The following SLFN13 variants were observed in gnomAD, a reference collection of about 807,000 sequenced individuals.
SLFN13 encodes the protein schlafen family member 13.
In SLFN13, 43 loss-of-function variants were observed where a neutral mutation model predicts 50.6. The observed-to-expected ratio is 0.85, with a 90% CI of 0.67 to 1.09. SLFN13 has a LOEUF of 1.09. SLFN13 is among the 50% of genes least tolerant of loss of function. The pLI, the probability that SLFN13 is intolerant of heterozygous loss-of-function variation, is 0.00. For missense variants in SLFN13, 881 were observed against 1,071.1 expected (o/e 0.82, Z 2.48); for synonymous variants, 339 against 386.5 (o/e 0.88, Z 1.44).
Position 35,445,294 on chromosome 17 carries a change from G to C in SLFN13, c.387C>G (p.Ser129Arg). The change falls in exon 3 of 6, where the codon AGC (serine) becomes AGG (arginine). Residue 129 changes from serine (S) to arginine (R), a missense_variant. Ser to Arg is a moderately radical substitution (Grantham distance 110). Coordinates refer to ENST00000285013, the MANE Select transcript of SLFN13 (RefSeq NM_144682.6). ...KDGSFNSRIC[S>R]LSSSLYCRSG... ...ATCTACAGTATAATGAAGAACTAAGGCTGCAAATGCGGGAATTGAAAGAAC... is the reference window on the plus strand; with the variant it reads ...ATCTACAGTATAATGAAGAACTAAGCCTGCAAATGCGGGAATTGAAAGAAC... The C allele has an allele frequency of 6.2e-7, 1 of 1,613,820 alleles. No homozygotes were observed.
intron 5 of SLFN13, 65 bp from the exon 6 acceptor site, chr17:35,441,431 T>C: frequency 6.4e-7 from 1 of 1,572,984 alleles, no homozygotes; most frequent in South Asian, 1.2e-5. Context: ...AATGATTGTA[T>C]CATGTTCCTC....
Position 35,445,126 on chromosome 17 carries a change from C to T in SLFN13, c.555G>A (p.Glu185=). 6.2e-7 allele frequency: 1 copy of T among 1,613,388 alleles called. No homozygotes were observed. The highest frequency in any genetic ancestry group is 1.6e-4 in the Middle Eastern group (1 of 6,062). The change falls in exon 3 of 6, where the codon GAG becomes GAA. Residue 185 remains glutamate, a synonymous_variant. Transcript: ENST00000285013. ...GGAAAACTTCATATGCAGGATTTGA[C>T]TCAGATATGTTCTGGTATACAGCTT... ...IMKAVYQNIS[E]SNPAYEVFQT...
chr17:35,440,781 C>T lies in SLFN13; in HGVS notation c.2508G>A (p.Val836=), dbSNP rs752272108. 2 of 1,614,122 alleles carry T rather than the reference C, an allele frequency of 1.2e-6. No individual in the cohort carries two copies. Among genetic ancestry groups the T allele is most frequent in the Admixed American group, 1.7e-5 (1 of 60,030 alleles). ...ACATATCACATGCATCACTGAGCTG[C>T]ACCACCATTTTCTTCCTCATTGCTT... is the stretch of plus-strand genomic sequence containing the variant. ...LLKAMRKKMV[V]QLSDACDMLG... Residue 836 remains valine, a synonymous_variant, in exon 6 of 6, where the codon GTG becomes GTA. Transcript: ENST00000285013.
chr17:35,441,555 C>G lies in SLFN13; in HGVS notation c.1922+8G>C, dbSNP rs772645348. On this transcript the variant is annotated splice_region_variant and intron_variant, in intron 5 of 5. Coordinates refer to ENST00000285013, the MANE Select transcript of SLFN13 (RefSeq NM_144682.6). Reference sequence around the variant, plus strand: ...TAAAACTTAAAGACGTAAGATCCAACTGCTTACCTGATAAAGTTCCTCAGA... The same window carrying G: ...TAAAACTTAAAGACGTAAGATCCAAGTGCTTACCTGATAAAGTTCCTCAGA... 6 of 1,610,294 alleles carry G rather than the reference C, an allele frequency of 3.7e-6. No individual in the cohort carries two copies. The African/African-American group carries it at 6.8e-5, about 18-fold the overall frequency.
At chr17:35,445,806 T>G in intron 2 of SLFN13, 113 bp from the exon 3 acceptor site, 1 of 901,744 alleles carries the variant, frequency 1.1e-6, no homozygotes, top group Non-Finnish European at 1.6e-6. Context: ...GATAAGACAA[T>G]AGCAAGAAAG....
Position 35,444,856 on chromosome 17 carries a change from T to C in SLFN13, c.825A>G (p.Arg275=), listed in dbSNP as rs1169648943. The C allele has an allele frequency of 6.2e-7, 1 of 1,614,114 alleles. No homozygotes were observed. Among genetic ancestry groups the C allele is most frequent in the African/African-American group, 1.3e-5 (1 of 74,944 alleles). ...DPDSLKNVIA[R]AISKLPIVHF... is the part of the protein sequence containing the mutation. ...GAACAATGGGCAACTTAGAAATTGCTCTTGCAATTACATTTTTCAAAGAGT... is the reference window on the plus strand; with the variant it reads ...GAACAATGGGCAACTTAGAAATTGCCCTTGCAATTACATTTTTCAAAGAGT... Residue 275 remains arginine (R), a synonymous_variant, in exon 3 of 6, where the codon AGA becomes AGG. Transcript: ENST00000285013.
chr17:35,437,909 T>C lies in SLFN13; in HGVS notation c.*2686A>G, dbSNP rs1912686247. ...GATCTTTAATGAAGCAGGTCCTATA[T>C]GACTAGAGCCAAATTACAGAGATAG... On this transcript the variant is annotated 3_prime_UTR_variant, in exon 6 of 6. Coordinates refer to ENST00000285013, the MANE Select transcript of SLFN13 (RefSeq NM_144682.6). The C allele has an allele frequency of 6.6e-6, 1 of 152,142 alleles. No homozygotes were observed. 9.4% of individuals were successfully genotyped at this position (152,142 alleles called of 1,614,324 possible). A position where few individuals can be genotyped will look rare whatever the true frequency, so the allele number is the denominator to read the frequency against.
In SLFN13 at chr17:35,444,839, G is replaced by A. The variant is rs1247054248; in HGVS notation, c.842C>T (p.Pro281Leu). ...NVIARAISKLPIVHFCSSKPR... is the reference protein window; with the variant it reads ...NVIARAISKLLIVHFCSSKPR... ...TTTTGAAGAGCAAAAATGAACAATG[G>A]GCAACTTAGAAATTGCTCTTGCAAT... Residue 281 changes from proline (P) to leucine (L), a missense_variant, in exon 3 of 6, where the codon CCC (proline) becomes CTC (leucine). Around this residue, in one of 5 missense-constraint regions of SLFN13, gnomAD observed 497 missense variants for 518.3 expected, o/e 0.96. Coordinates refer to ENST00000285013, the MANE Select transcript of SLFN13 (RefSeq NM_144682.6). The A allele has an allele frequency of 1.2e-6, 2 of 1,614,150 alleles. No individual in the cohort carries two copies. Among genetic ancestry groups the A allele is most frequent in the South Asian group, 2.2e-5 (2 of 91,074 alleles).
chr17:35,443,955 A>G, intron 3 of SLFN13, 35 bp from the exon 4 acceptor site: 1 of 1,599,578 alleles, frequency 6.3e-7, no homozygotes, highest in Middle Eastern at 1.7e-4. Flanking sequence ...ACACTATATG[A>G]TTTCATGTCT....
Position 35,445,652 on chromosome 17 carries a change from A to C in SLFN13, c.29T>G (p.Val10Gly), listed in dbSNP as rs765653407. Residue 10 changes from valine to glycine, a missense_variant, in exon 3 of 6, where the codon GTG becomes GGG. Val to Gly is a moderately radical substitution (Grantham distance 109). Transcript: ENST00000285013. MEANHCSLG[V>G]YPSYPDLVID... ...GACCAGGTCTGGGTAAGATGGATAC[A>C]CACCCAGGGAGCAGTGATTTGCCTC... The C allele has an allele frequency of 1.2e-6, 2 of 1,611,744 alleles. No homozygotes were observed. The highest frequency in any genetic ancestry group is 4.5e-5 in the East Asian group (2 of 44,822).
intron 2 of SLFN13, 126 bp from the exon 3 acceptor site, chr17:35,445,819 A>G: frequency 1.2e-6 from 1 of 806,014 alleles, no homozygotes; most frequent in Non-Finnish European, 1.9e-6. Context: ...CAAGAAAGAC[A>G]GGTATAGTCT....
Position 35,441,707 on chromosome 17 carries a change from C to G in SLFN13, c.1778G>C (p.Arg593Thr). 6.3e-7 allele frequency: 1 copy of G among 1,595,212 alleles called. No individual in the cohort carries two copies. Among genetic ancestry groups the G allele is most frequent in the African/African-American group, 1.4e-5 (1 of 71,922 alleles). Residue 593 changes from arginine to threonine, a missense_variant, in exon 5 of 6, where the codon AGA becomes ACA. This residue lies in a region of SLFN13 where 25 missense variants were observed against 64.4 expected (regional missense o/e 0.39). Transcript: ENST00000285013. ...AGGTAAGCCGTGGACAAACAACTCTCTGTTCTTGCGGAGGCTTCTGGAGAA... is the reference window on the plus strand; with the variant it reads ...AGGTAAGCCGTGGACAAACAACTCTGTGTTCTTGCGGAGGCTTCTGGAGAA... ...EIFSRSLRKN[R>T]ELFVHGLPGS... is the part of the protein sequence containing the mutation.
rs1912716061 is a variant in SLFN13 at position 35,438,964 on chromosome 17, C to G, written c.*1631G>C. On this transcript the variant is annotated 3_prime_UTR_variant, in exon 6 of 6. Coordinates refer to ENST00000285013, the MANE Select transcript of SLFN13 (RefSeq NM_144682.6). ...CAGCTGTGTTCTCAGGCTGCAATAA[C>G]AAAACACTAGAGACTGGATGGCTGA... is the stretch of plus-strand genomic sequence containing the variant. 1 of 145,966 alleles carries G rather than the reference C, an allele frequency of 6.9e-6. No individual in the cohort carries two copies. Among genetic ancestry groups the G allele is most frequent in the African/African-American group, 2.5e-5 (1 of 39,596 alleles). The allele number at this position is 145,966 out of a possible 1,614,324, so 9.0% of individuals were successfully genotyped here.
Position 35,445,648 on chromosome 17 carries a change from A to G in SLFN13, c.33T>C (p.Tyr11=). 1 of 1,613,554 alleles carries G rather than the reference A, an allele frequency of 6.2e-7. No individual in the cohort carries two copies. Among genetic ancestry groups the G allele is most frequent in the Non-Finnish European group, 8.5e-7 (1 of 1,179,664 alleles). MEANHCSLGV[Y]PSYPDLVIDV... is the part of the protein sequence containing the mutation. ...CGATGACCAGGTCTGGGTAAGATGG[A>G]TACACACCCAGGGAGCAGTGATTTG... The change falls in exon 3 of 6, where the codon TAT becomes TAC. Residue 11 remains tyrosine, a synonymous_variant. Transcript: ENST00000285013.
In SLFN13 at chr17:35,445,512, C is replaced by T; in HGVS notation, c.169G>A (p.Gly57Arg). Residue 57 changes from glycine to arginine, a missense_variant, in exon 3 of 6, where the codon GGA becomes AGA. Gly to Arg is a moderately radical substitution (Grantham distance 125). This residue lies in a region of SLFN13 where 497 missense variants were observed against 518.3 expected (regional missense o/e 0.96). Transcript: ENST00000285013. Reference protein sequence around the residue: ...IRAACALLNSGGGVIQMEMAN... With the variant: ...IRAACALLNSRGGVIQMEMAN... ...ATTTCCATCTGAATCACTCCTCCTCCTGAGTTTAATAAAGCACACGCGGCC... is the reference window on the plus strand; with the variant it reads ...ATTTCCATCTGAATCACTCCTCCTCTTGAGTTTAATAAAGCACACGCGGCC... 1.2e-6 allele frequency: 2 copies of T among 1,614,220 alleles called. No individual in the cohort carries two copies. The highest frequency in any genetic ancestry group is 1.7e-6 in the Non-Finnish European group (2 of 1,180,046).
At chr17:35,442,605 G>A (rs569207092) in intron 4 of SLFN13, among the ~76,000 whole-genome samples, 25 of 152,046 alleles carry the variant, frequency 1.6e-4, no homozygotes, top group African/African-American at 5.5e-4. Context: ...CACCACGCCC[G>A]GCTATTTTTT....
rs1008178905 is a variant in SLFN13 at position 35,444,823 on chromosome 17, G to A, written c.858C>T (p.Cys286=). 3.7e-6 allele frequency: 6 copies of A among 1,614,020 alleles called. No homozygotes were observed. The highest frequency in any genetic ancestry group is 1.3e-5 in the African/African-American group (1 of 74,900). The change falls in exon 3 of 6, where the codon TGC becomes TGT. Residue 286 remains cysteine (C), a synonymous_variant. Transcript: ENST00000285013. ...TGTACTCTACCCGAGGTTTTGAAGA[G>A]CAAAAATGAACAATGGGCAACTTAG... is the stretch of plus-strand genomic sequence containing the variant. The part of the protein sequence containing the change: ...AISKLPIVHF[C]SSKPRVEYST...
Position 35,439,288 on chromosome 17 carries a change from C to T in SLFN13, c.*1307G>A, listed in dbSNP as rs952316305. 2.6e-5 allele frequency: 4 copies of T among 152,040 alleles called. No homozygotes were observed. The highest frequency in any genetic ancestry group is 9.7e-5 in the African/African-American group (4 of 41,402). 9.4% of individuals were successfully genotyped at this position (152,040 alleles called of 1,614,324 possible). ...TCCACAGTGAAGGTTGGGGCTTCAA[C>T]ATGGGAATTTAGGGGTGAGGATGGG... On this transcript the variant is annotated 3_prime_UTR_variant, in exon 6 of 6. Coordinates refer to ENST00000285013, the MANE Select transcript of SLFN13 (RefSeq NM_144682.6).
In SLFN13 at chr17:35,440,619, T is replaced by C; in HGVS notation, c.2670A>G (p.Lys890=). 6.2e-7 allele frequency: 1 copy of C among 1,614,108 alleles called. No homozygotes were observed. The highest frequency in any genetic ancestry group is 8.5e-7 in the Non-Finnish European group (1 of 1,180,002). The part of the protein sequence containing the change: ...NILICLASRA[K]QHLYIFL ...TTCACAGAAAAATATATAGGTGCTG[T>C]TTTGCCCTGGAAGCCAGACAGATCA... The change falls in exon 6 of 6, where the codon AAA becomes AAG. Residue 890 remains lysine, a synonymous_variant. Coordinates refer to ENST00000285013, the MANE Select transcript of SLFN13 (RefSeq NM_144682.6).
Sources: gnomAD v4.1 joint callset for allele counts (sites outside exome capture counted in the v4.1 genomes callset) on GRCh38, gnomAD v4.1.1 for gene constraint, gnomAD v4.1.1 regional missense constraint, MANE v1.5 for transcripts, NCBI Gene and HGNC (gene_info 2026-07-23, HGNC 2026-07-21) for gene names.